Variants in TMCO4 observed in about 807,000 individuals in gnomAD.
TMCO4 encodes transmembrane and coiled-coil domains 4, also known as transmembrane and coiled-coil domain-containing protein 4.
TMCO4 carries 58 observed loss-of-function variants against 64.7 expected under a neutral mutation model. The ratio of observed to expected loss-of-function variants is 0.90; its 90% CI spans 0.73 to 1.12. The LOEUF (loss-of-function observed/expected upper bound fraction) is 1.12, where lower values mean the gene tolerates loss of function less well. Among genes scored for constraint, TMCO4 ranks in the 50% most tolerant of loss-of-function variants. The pLI is 0.00. For synonymous variants in TMCO4, 325 were observed against 346.1 expected (o/e 0.94, Z 0.68); for missense variants, 780 against 825.9 (o/e 0.94, Z 0.68).
At position 19,683,049 on chromosome 1, in the gene TMCO4, C is replaced by T; in HGVS notation, c.1896G>A (p.Gly632=). The T allele has an allele frequency of 6.3e-7, 1 of 1,586,484 alleles. No individual in the cohort carries two copies. The highest frequency in any genetic ancestry group is 8.6e-7 in the Non-Finnish European group (1 of 1,167,388). The change falls in exon 16 of 16, where the codon GGG becomes GGA. Residue 632 remains glycine (G), a synonymous_variant. Transcript: ENST00000294543. ...CACKTQGPST[G]LD ...AGGTCCCCTGCTGTGGTCAGTCCAGCCCCGTGCTGGGGCCCTGGGTCTTGC... is the reference window on the plus strand; with the variant it reads ...AGGTCCCCTGCTGTGGTCAGTCCAGTCCCGTGCTGGGGCCCTGGGTCTTGC...
chr1:19,768,687 C>T (rs980362436), intron 6 of TMCO4, among the ~76,000 whole-genome samples: 4 of 152,278 alleles, frequency 2.6e-5, no homozygotes, highest in Middle Eastern at 3.4e-3. Context: ...TTCAGCTCCA[C>T]GATATGGAAT....
At chr1:19,700,453 C>T (rs996359801) in intron 14 of TMCO4, among the ~76,000 whole-genome samples, 5 of 152,192 alleles carry the variant, frequency 3.3e-5, no homozygotes, top group African/African-American at 4.8e-5. Flanking sequence ...GTGTTCCACT[C>T]GCCCATGTCC....
intron 13 of TMCO4, among the ~76,000 whole-genome samples, chr1:19,708,900 CGAGT>C (rs2095315910): frequency 2.0e-5 from 3 of 152,104 alleles, no homozygotes; most frequent in African/African-American, 7.2e-5. Context: ...ATGTGTGCAG[CGAGT>C]GATAAGGTAG....
chr1:19,748,537 G>A (rs1259949495), intron 7 of TMCO4, among the ~76,000 whole-genome samples: 4 of 152,044 alleles, frequency 2.6e-5, no homozygotes, highest in Non-Finnish European at 4.4e-5. Flanking sequence ...AAAAGAAATG[G>A]GATTTGGCCA....
chr1:19,740,520 A>T (rs1343316539), intron 11 of TMCO4, among the ~76,000 whole-genome samples: 2 of 152,164 alleles, frequency 1.3e-5, no homozygotes, highest in African/African-American at 4.8e-5. Context: ...TACAGTAAAC[A>T]TCCCATGGAG....
rs949484668 is a variant in TMCO4 at position 19,726,427 on chromosome 1, G to A, written c.1264+10945C>T. Among the ~76,000 whole-genome samples, 4 of 151,590 alleles carry A rather than the reference G, an allele frequency of 2.6e-5. No homozygotes were observed. In the East Asian group the frequency reaches 5.8e-4, roughly 22 times the overall value. ...TGCAGTGAGCCGAGGTCGTGCCACC[G>A]CACTCCAGCTTAGGGGACAGAGCGA... On this transcript the variant is annotated intron_variant, in intron 13 of 15. Coordinates refer to ENST00000294543, the MANE Select transcript of TMCO4 (RefSeq NM_181719.7).
chr1:19,760,075 G>A (rs2100967049), intron 6 of TMCO4, among the ~76,000 whole-genome samples: 1 of 152,202 alleles, frequency 6.6e-6, no homozygotes, highest in Middle Eastern at 3.4e-3. Flanking sequence ...GGGGACTAGG[G>A]GAGAGTGGAT....
chr1:19,695,927 T>A (rs1466668304), intron 14 of TMCO4, among the ~76,000 whole-genome samples: 1 of 152,050 alleles, frequency 6.6e-6, no homozygotes, highest in Non-Finnish European at 1.5e-5. Context: ...GGCCAACGTA[T>A]CAGAGTCCTC....
At chr1:19,694,686 C>T (rs544069616) in intron 14 of TMCO4, 135 bp from the exon 15 acceptor site, 32 of 738,178 alleles carry the variant, frequency 4.3e-5, no homozygotes, top group Admixed American at 1.8e-4. Context: ...CCTGATTGCA[C>T]GGTGGGGATG....
chr1:19,788,613 T>C (rs1365938968), intron 2 of TMCO4, among the ~76,000 whole-genome samples: 1 of 152,202 alleles, frequency 6.6e-6, no homozygotes, highest in Non-Finnish European at 1.5e-5. Context: ...CGTTTTGTGC[T>C]TCTCCTTCCA....
chr1:19,750,029 T>C (rs920578234), intron 7 of TMCO4: 12 of 152,198 alleles, frequency 7.9e-5, no homozygotes, highest in African/African-American at 2.9e-4. Context: ...TCCAGGGGTA[T>C]TGTGAGGACT....
intron 4 of TMCO4, among the ~76,000 whole-genome samples, chr1:19,777,104 C>T (rs970294845): frequency 6.6e-6 from 1 of 151,712 alleles, no homozygotes; most frequent in African/African-American, 2.4e-5. Flanking sequence ...GTACCTGTAC[C>T]TGCAGGTTGG....
chr1:19,718,136 C>T (rs2095365029), intron 13 of TMCO4, among the ~76,000 whole-genome samples: 1 of 151,886 alleles, frequency 6.6e-6, no homozygotes, highest in Non-Finnish European at 1.5e-5. Context: ...AGTTCAAGAC[C>T]AGCCTGGCCA....
At position 19,700,639 on chromosome 1, in the gene TMCO4, C is replaced by G. The variant is rs147156723; in HGVS notation, c.1382+129G>C. On this transcript the variant is annotated intron_variant, in intron 14 of 15. Coordinates refer to ENST00000294543, the MANE Select transcript of TMCO4 (RefSeq NM_181719.7). ...GGCCTGCTCCTAACAGGGCCGGTGC[C>G]CGGCCGGTTCCTGGGATCTTCCAGG... 6.6e-4 allele frequency: 599 copies of G among 903,160 alleles called. 1 individual carries two copies. The highest frequency in any genetic ancestry group is 2.3e-3 in the Middle Eastern group (10 of 4,316). 55.9% of individuals were successfully genotyped at this position (903,160 alleles called of 1,614,324 possible). A position where few individuals can be genotyped will look rare whatever the true frequency, so the allele number is the denominator to read the frequency against.
chr1:19,748,330 T>A (rs1268104087), intron 7 of TMCO4, among the ~76,000 whole-genome samples: 1 of 152,208 alleles, frequency 6.6e-6, no homozygotes, highest in Non-Finnish European at 1.5e-5. Context: ...CATAAAGTTG[T>A]TGGCTTGTAA....
At chr1:19,755,565 T>C (rs1380964442) in intron 7 of TMCO4, 69 bp downstream of exon 7, 31 of 1,593,982 alleles carry the variant, frequency 1.9e-5, no homozygotes, top group Non-Finnish European at 2.7e-5. Flanking sequence ...AGAAGGGGAC[T>C]CTGTTATCTG....
chr1:19,782,217 G>A (rs911657937), intron 3 of TMCO4, among the ~76,000 whole-genome samples: 3 of 152,170 alleles, frequency 2.0e-5, no homozygotes, highest in Admixed American at 2.0e-4. Context: ...ACATTACACA[G>A]CAATGGAAAG....
intron 13 of TMCO4, among the ~76,000 whole-genome samples, chr1:19,726,791 G>C (rs2095410675): frequency 6.6e-6 from 1 of 152,158 alleles, no homozygotes; most frequent in Non-Finnish European, 1.5e-5. Flanking sequence ...GGAATCAGTT[G>C]ATCTTACAAG....
chr1:19,761,255 G>C (rs372368409), intron 6 of TMCO4, among the ~76,000 whole-genome samples: 2 of 152,174 alleles, frequency 1.3e-5, no homozygotes, highest in African/African-American at 2.4e-5. Context: ...GGAGGGCCAC[G>C]AGCTAGCAGA....
Sources: allele counts gnomAD v4.1 joint callset (sites outside exome capture counted in the v4.1 genomes callset), GRCh38; gene constraint gnomAD v4.1.1; transcripts MANE v1.5; gene names NCBI Gene and HGNC (gene_info 2026-07-23, HGNC 2026-07-21).